KCNAB1: variants seen among roughly 807,000 people sequenced by gnomAD.
The protein encoded by KCNAB1 is potassium voltage-gated channel subfamily A regulatory beta subunit 1.
In KCNAB1, 35 loss-of-function variants were observed where a neutral mutation model predicts 64.6. The ratio of observed to expected loss-of-function variants is 0.54; its 90% confidence interval spans 0.41 to 0.72. KCNAB1 has a LOEUF of 0.72. KCNAB1 is among the 30% of genes least tolerant of loss of function. The pLI, the probability that KCNAB1 is intolerant of heterozygous loss-of-function variation, is 0.00. For missense variants in KCNAB1, 401 were observed against 512.9 expected, an observed-to-expected ratio of 0.78 and a Z score of 2.11; for synonymous variants, 177 against 183.8, an observed-to-expected ratio of 0.96 and a Z score of 0.30.
At chr3:156,143,569 G>GTTGTTTTTT (rs1443482013) in intron 1 of KCNAB1, 1 of 281,598 alleles carries the variant, frequency 3.6e-6, no homozygotes, top group African/African-American at 2.9e-5. Flanking sequence ...TTGCATTCTT[G>GTTGTTTTTT]TTTTTTTTTT....
At chr3:156,286,799 C>G (rs756814076) in intron 1 of KCNAB1, among the ~76,000 whole-genome samples, 2 of 152,144 alleles carry the variant, frequency 1.3e-5, no homozygotes, top group Non-Finnish European at 2.9e-5. Context: ...TAAGGAAGTT[C>G]TTGCAGTGGG....
At chr3:156,525,828 A>G (rs7431084) in intron 12 of KCNAB1, among the ~76,000 whole-genome samples, 39,668 of 152,116 alleles carry the variant, frequency 0.26, 5,428 homozygotes, top group Middle Eastern at 0.33. Context: ...GCTTTTTTAA[A>G]TTAAAAGTTT....
intron 11 of KCNAB1, among the ~76,000 whole-genome samples, chr3:156,519,294 A>T (rs966690540): frequency 1.3e-5 from 2 of 152,242 alleles, no homozygotes; most frequent in Non-Finnish European, 2.9e-5. Flanking sequence ...TAACTTTGTC[A>T]TAAAGCATTC....
In KCNAB1 at chr3:156,235,541, G is replaced by T. The variant is rs577872779; in HGVS notation, c.275+114655G>T. ...GTGCAGTTCAAGCCTTGAGGTTGGT[G>T]GCCCACGTGGCTGACCCAAATGTTT... On this transcript the variant is annotated intron_variant, in intron 1 of 13. Transcript: ENST00000490337. Among the ~76,000 whole-genome samples, 3 of 152,274 alleles carry T rather than the reference G, an allele frequency of 2.0e-5. No homozygotes were observed. In the South Asian group the frequency reaches 6.2e-4, roughly 32 times the overall value.
intron 11 of KCNAB1, among the ~76,000 whole-genome samples, chr3:156,521,576 T>C (rs369771430): frequency 1.3e-5 from 2 of 152,144 alleles, no homozygotes; most frequent in African/African-American, 2.4e-5. Context: ...AGTGGGGTGA[T>C]AGAATAGGGT....
chr3:156,489,351 G>A (rs973282011), intron 8 of KCNAB1, among the ~76,000 whole-genome samples: 3 of 152,112 alleles, frequency 2.0e-5, no homozygotes, highest in Admixed American at 6.6e-5. Flanking sequence ...ACATCAAAGA[G>A]GAAGAAGGGA....
chr3:156,406,211 A>T (rs962997244), intron 1 of KCNAB1, among the ~76,000 whole-genome samples: 4 of 152,238 alleles, frequency 2.6e-5, no homozygotes, highest in African/African-American at 9.6e-5. Context: ...ACTGTAGAGG[A>T]GAATGGGGCT....
At chr3:156,204,265 G>T (rs1714518192) in intron 1 of KCNAB1, among the ~76,000 whole-genome samples, 3 of 152,202 alleles carry the variant, frequency 2.0e-5, no homozygotes. Context: ...GCGGGACTGA[G>T]ATTTGCCCTC....
chr3:156,517,112 A>C (rs1293106228), intron 11 of KCNAB1, among the ~76,000 whole-genome samples: 1 of 152,250 alleles, frequency 6.6e-6, no homozygotes, highest in African/African-American at 2.4e-5. Flanking sequence ...AGGGAGAGAG[A>C]ATACAGGCAT....
Position 156,452,676 on chromosome 3 carries a change from G to A in KCNAB1, c.320-223G>A, listed in dbSNP as rs1373823414. Among the ~76,000 whole-genome samples the A allele has an allele frequency of 6.6e-6, 1 of 152,132 alleles. No homozygotes were observed. The highest frequency in any genetic ancestry group is 1.9e-4 in the East Asian group (1 of 5,188). On this transcript the variant is annotated intron_variant, in intron 2 of 13. Coordinates refer to ENST00000490337, the MANE Select transcript of KCNAB1 (RefSeq NM_172160.3). This position sits in a 1 kb window ranked among gnomAD's most constrained non-coding sequence, Gnocchi z 4.6. Reference sequence around the variant, plus strand: ...TACAGTGGCTTTCAGTAAAGAAACAGCAGCCCTTTCTCCAGAGGGATACAG... The same window carrying A: ...TACAGTGGCTTTCAGTAAAGAAACAACAGCCCTTTCTCCAGAGGGATACAG...
At chr3:156,265,976 G>A (rs1718679605) in intron 1 of KCNAB1, among the ~76,000 whole-genome samples, 1 of 152,148 alleles carries the variant, frequency 6.6e-6, no homozygotes, top group Admixed American at 6.5e-5. Flanking sequence ...TGGTGACACA[G>A]CGAGATTCTG....
At chr3:156,180,107 G>A (rs1272625144) in intron 1 of KCNAB1, among the ~76,000 whole-genome samples, 1 of 152,190 alleles carries the variant, frequency 6.6e-6, no homozygotes, top group African/African-American at 2.4e-5. Context: ...TAAATAAGTT[G>A]TCAGAGGTCA....
Position 156,374,617 on chromosome 3 carries a change from C to T in KCNAB1, c.276-46999C>T. Among the ~76,000 whole-genome samples the T allele has an allele frequency of 1.5e-5, 2 of 135,302 alleles. 1 individual carries two copies. The highest frequency in any genetic ancestry group is 3.1e-5 in the Non-Finnish European group (2 of 64,918). 88.8% of individuals were successfully genotyped at this position (135,302 alleles called of 152,430 possible). On this transcript the variant is annotated intron_variant, in intron 1 of 13. Coordinates refer to ENST00000490337, the MANE Select transcript of KCNAB1 (RefSeq NM_172160.3). ...GCGGAAATAGCAGCCTTGGTGGTTG[C>T]ATGGGTAGAAGCTTCACCTTTGCCC... is the stretch of plus-strand genomic sequence containing the variant.
rs935842140 is a variant in KCNAB1, at chr3:156,356,152, AAGAG to A, written c.276-65458_276-65455del. Among the ~76,000 whole-genome samples the A allele has an allele frequency of 7.5e-4, 113 of 150,036 alleles. 1 individual carries two copies. In the Middle Eastern group the frequency reaches 0.017, roughly 23 times the overall value. ...AAAAAAAAAGAAAGAAAAGAAAAGAAAGAGAGAGAAAGCAAGCAAGAAAAAAAGA... is the reference window on the plus strand; with the variant it reads ...AAAAAAAAAGAAAGAAAAGAAAAGAAAGAGAAAGCAAGCAAGAAAAAAAGA... On this transcript the variant is annotated intron_variant, in intron 1 of 13. Coordinates refer to ENST00000490337, the MANE Select transcript of KCNAB1 (RefSeq NM_172160.3).
At chr3:156,403,456 A>G (rs1181497764) in intron 1 of KCNAB1, among the ~76,000 whole-genome samples, 1 of 152,142 alleles carries the variant, frequency 6.6e-6, no homozygotes, top group Non-Finnish European at 1.5e-5. Flanking sequence ...AGCCCAGACA[A>G]TTACTTCTGA....
intron 5 of KCNAB1, among the ~76,000 whole-genome samples, chr3:156,460,919 G>A (rs1315750927): frequency 6.6e-6 from 1 of 152,168 alleles, no homozygotes; most frequent in Non-Finnish European, 1.5e-5. Flanking sequence ...GGAATAGAGG[G>A]CCCTGTGGAA....
At chr3:156,167,692 C>A (rs1299529878) in intron 1 of KCNAB1, among the ~76,000 whole-genome samples, 2 of 152,046 alleles carry the variant, frequency 1.3e-5, no homozygotes, top group Non-Finnish European at 2.9e-5. Flanking sequence ...ACAACAACAA[C>A]AAAAATAAGT....
rs145410223 is a variant in KCNAB1 at position 156,478,345 on chromosome 3, C to T, written c.658+3525C>T. 7.0e-3 allele frequency among the ~76,000 whole-genome samples: 1,071 copies of T among 152,068 alleles called. 15 individuals are homozygous for T. Among genetic ancestry groups the T allele is most frequent in the Middle Eastern group, 0.031 (9 of 294 alleles). Reference sequence around the variant, plus strand: ...ATCTACATTTATTAATACTATGGACCCTTAGCATTTGTAAATCATTTTTAT... The same window carrying T: ...ATCTACATTTATTAATACTATGGACTCTTAGCATTTGTAAATCATTTTTAT... On this transcript the variant is annotated intron_variant, in intron 8 of 13. Transcript: ENST00000490337.
At chr3:156,352,067 A>G (rs552370817) in intron 1 of KCNAB1, among the ~76,000 whole-genome samples, 1 of 152,278 alleles carries the variant, frequency 6.6e-6, no homozygotes, top group South Asian at 2.1e-4. Context: ...TCCTGCAGCC[A>G]TTTCAGCTCA....
Sources: allele counts gnomAD v4.1 joint callset (sites outside exome capture counted in the v4.1 genomes callset), GRCh38; gene constraint gnomAD v4.1.1; non-coding constraint Gnocchi (gnomAD v3.1); transcripts MANE v1.5; gene names NCBI Gene and HGNC (gene_info 2026-07-23, HGNC 2026-07-21).